ZFHX3: variants seen among roughly 807,000 people sequenced by gnomAD.
The protein encoded by ZFHX3 is zinc finger homeobox protein 3.
Under a neutral mutation model 279.1 loss-of-function variants are expected in ZFHX3, and 42 were observed. The observed-to-expected ratio is 0.15, with a 90% CI of 0.12 to 0.19. The LOEUF is 0.19. Ranked by LOEUF, ZFHX3 falls within the 10% of genes least tolerant of loss-of-function variation. The probability of loss-of-function intolerance (pLI) is 1.00; values close to 1 mark genes in which losing one functional copy is unlikely to be tolerated. For missense variants in ZFHX3, 4,981 were observed against 4,754.0 expected (o/e 1.05, Z -1.40); for synonymous variants, 2,293 against 1,957.8 (o/e 1.17, Z -4.52).
intron 7 of ZFHX3, among the ~76,000 whole-genome samples, chr16:72,802,494 T>C (rs565067065): frequency 1.7e-4 from 26 of 152,310 alleles, no homozygotes; most frequent in Admixed American, 1.4e-3. Context: ...CCATATGTGT[T>C]TAAGTAACTA....
intron 4 of ZFHX3, among the ~76,000 whole-genome samples, chr16:72,853,693 G>A (rs1267062837): frequency 6.6e-6 from 1 of 152,354 alleles, no homozygotes; most frequent in East Asian, 1.9e-4. Flanking sequence ...CATTGGAAGA[G>A]AGGGCAGTAG....
intron 1 of ZFHX3, among the ~76,000 whole-genome samples, chr16:73,834,893 A>C (rs901146536): frequency 1.4e-5 from 2 of 139,502 alleles, no homozygotes; most frequent in Non-Finnish European, 3.2e-5. Flanking sequence ...CGTCTCAAAA[A>C]AAAAAGAAGC....
chr16:73,159,658 T>A (rs554346892), intron 5 of ZFHX3, among the ~76,000 whole-genome samples: 3 of 152,328 alleles, frequency 2.0e-5, no homozygotes, highest in Non-Finnish European at 2.9e-5. Flanking sequence ...AATAATTGAT[T>A]GTTTTAAGTT....
At chr16:73,169,061 G>T (rs1195169431) in intron 5 of ZFHX3, among the ~76,000 whole-genome samples, 2 of 152,156 alleles carry the variant, frequency 1.3e-5, no homozygotes, top group African/African-American at 4.8e-5. Context: ...GTGCAATAAG[G>T]TTAGGGTGTT....
chr16:73,360,716 A>G (rs4889197), intron 3 of ZFHX3, among the ~76,000 whole-genome samples: 59,404 of 152,220 alleles, frequency 0.39, 13,920 homozygotes, highest in East Asian at 0.52. Context: ...CAGTTTTAAC[A>G]TAAGACTGCA....
At chr16:73,565,537 C>A (rs2020439013) in intron 2 of ZFHX3, among the ~76,000 whole-genome samples, 1 of 152,142 alleles carries the variant, frequency 6.6e-6, no homozygotes, top group African/African-American at 2.4e-5. Context: ...GTTTTCGGGG[C>A]ACTTAATAGT....
intron 5 of ZFHX3, among the ~76,000 whole-genome samples, chr16:73,214,843 C>CT (rs386385051): frequency 0.023 from 1,817 of 79,236 alleles, 145 homozygotes; most frequent in African/African-American, 0.048. Flanking sequence ...TGCTGAAGGC[C>CT]TTTTTTTTTT....
intron 5 of ZFHX3, among the ~76,000 whole-genome samples, chr16:73,185,144 A>G (rs1967883461): frequency 1.3e-5 from 2 of 152,180 alleles, no homozygotes; most frequent in Non-Finnish European, 2.9e-5. Context: ...TAGGCAGTCA[A>G]TATTTTAAAG....
At chr16:73,810,019 C>T (rs924017224) in intron 1 of ZFHX3, among the ~76,000 whole-genome samples, 2 of 152,136 alleles carry the variant, frequency 1.3e-5, no homozygotes, top group Non-Finnish European at 2.9e-5. Flanking sequence ...ACCAAAGAGG[C>T]AAATCTAGAA....
chr16:73,675,934 C>A (rs918083445), intron 2 of ZFHX3, among the ~76,000 whole-genome samples: 1 of 151,934 alleles, frequency 6.6e-6, no homozygotes, highest in Middle Eastern at 3.2e-3. Context: ...GGAAATGGTA[C>A]AACTCAAGAA....
At chr16:73,198,925 A>G (rs962295801) in intron 5 of ZFHX3, among the ~76,000 whole-genome samples, 10 of 152,252 alleles carry the variant, frequency 6.6e-5, no homozygotes, top group African/African-American at 2.4e-4. Context: ...CATCAACATC[A>G]AAAACAATGA....
At chr16:73,428,555 AG>A (rs1320517683) in intron 3 of ZFHX3, among the ~76,000 whole-genome samples, 3 of 152,210 alleles carry the variant, frequency 2.0e-5, no homozygotes, top group Non-Finnish European at 4.4e-5. Flanking sequence ...CCAGGCATGC[AG>A]GGTCGAGGAA....
chr16:72,947,070 C>T (rs1567598417), intron 3 of ZFHX3, among the ~76,000 whole-genome samples: 1 of 152,182 alleles, frequency 6.6e-6, no homozygotes, highest in Non-Finnish European at 1.5e-5. Flanking sequence ...GACATGTGAG[C>T]ATTAGGGGCT....
intron 1 of ZFHX3, among the ~76,000 whole-genome samples, chr16:73,870,382 GC>G (rs1422157351): frequency 6.6e-6 from 1 of 152,166 alleles, no homozygotes; most frequent in African/African-American, 2.4e-5. Flanking sequence ...CCACATGTGT[GC>G]CATGCATCTG....
At chr16:72,799,683 A>C (rs1294725182) in intron 8 of ZFHX3, among the ~76,000 whole-genome samples, 2 of 152,222 alleles carry the variant, frequency 1.3e-5, no homozygotes, top group Admixed American at 6.5e-5. Context: ...CCTACTAATT[A>C]AGTCCTCAGA....
At chr16:73,278,560 T>C (rs1431469558) in intron 4 of ZFHX3, among the ~76,000 whole-genome samples, 3 of 152,214 alleles carry the variant, frequency 2.0e-5, no homozygotes, top group Non-Finnish European at 2.9e-5. Flanking sequence ...TTCCACACTG[T>C]GTAAGGGGAC....
chr16:72,867,289 T>G (rs924710797), intron 4 of ZFHX3, among the ~76,000 whole-genome samples: 1 of 152,142 alleles, frequency 6.6e-6, no homozygotes, highest in African/African-American at 2.4e-5. Flanking sequence ...TTACACAAAA[T>G]TTAGAAGAAA....
chr16:72,923,430 G>C (rs956798049), intron 3 of ZFHX3, among the ~76,000 whole-genome samples: 5 of 147,218 alleles, frequency 3.4e-5, no homozygotes, highest in Non-Finnish European at 7.4e-5. Flanking sequence ...GGGCGACAGA[G>C]TGAGACCTGT....
chr16:73,241,865 T>C (rs2013135052), intron 5 of ZFHX3, among the ~76,000 whole-genome samples: 2 of 151,530 alleles, frequency 1.3e-5, no homozygotes. Context: ...TATTTGGAGT[T>C]AGTTCCATCA....
Sources: gnomAD v4.1 joint callset for allele counts (sites outside exome capture counted in the v4.1 genomes callset) on GRCh38, gnomAD v4.1.1 for gene constraint, MANE v1.5 for transcripts, NCBI Gene and HGNC (gene_info 2026-07-23, HGNC 2026-07-21) for gene names.